The following VMP1 variants were observed in gnomAD, a reference collection of about 807,000 sequenced individuals.
The protein encoded by VMP1 is vacuole membrane protein 1.
VMP1 carries 11 observed loss-of-function variants against 56.0 expected under a neutral mutation model. The observed-to-expected ratio is 0.20, with a 90% confidence interval of 0.12 to 0.32. The LOEUF (loss-of-function observed/expected upper bound fraction) is 0.32, where lower values mean the gene tolerates loss of function less well. Among genes scored for constraint, VMP1 ranks in the 10% least tolerant of loss-of-function variants. The pLI, the probability that VMP1 is intolerant of heterozygous loss-of-function variation, is 1.00. For synonymous variants in VMP1, 149 were observed against 165.0 expected (o/e 0.90, Z 0.74); for missense variants, 296 against 490.3 (o/e 0.60, Z 3.74).
intron 7 of VMP1, among the ~76,000 whole-genome samples, chr17:59,805,244 C>T (rs896554005): frequency 1.3e-5 from 2 of 152,160 alleles, no homozygotes; most frequent in African/African-American, 2.4e-5. Context: ...TCTGAAAGAA[C>T]GAGAAGTCTG....
intron 7 of VMP1, among the ~76,000 whole-genome samples, chr17:59,785,588 G>A (rs1274560651): frequency 6.6e-6 from 1 of 151,470 alleles, no homozygotes; most frequent in Admixed American, 6.6e-5. Flanking sequence ...TACTTGGGAG[G>A]CTGAGGAACG....
rs1181485904 is a variant in VMP1, at chr17:59,711,401, C to A, written c.-27+3653C>A. ...GCCCAAGTGCCCTTGCTGTGTCTCC[C>A]ATTTTGGTGTGGAAATGAACTCTAG... On this transcript the variant is annotated intron_variant, in intron 1 of 11. Coordinates refer to ENST00000262291, the MANE Select transcript of VMP1 (RefSeq NM_030938.5). Among the ~76,000 whole-genome samples, 4 of 125,394 alleles carry A rather than the reference C, an allele frequency of 3.2e-5. No individual in the cohort carries two copies. In the East Asian group the frequency reaches 8.6e-4, roughly 27 times the overall value. The allele number at this position is 125,394 out of a possible 152,430, so 82.3% of individuals were successfully genotyped here.
chr17:59,788,886 A>G (rs1278497836), intron 7 of VMP1, among the ~76,000 whole-genome samples: 1 of 151,034 alleles, frequency 6.6e-6, no homozygotes, highest in Admixed American at 6.6e-5. Flanking sequence ...GTTTGCAGAT[A>G]TGGCGGTGGA....
intron 7 of VMP1, among the ~76,000 whole-genome samples, chr17:59,808,515 C>T (rs970702977): frequency 9.2e-5 from 14 of 152,160 alleles, no homozygotes; most frequent in Non-Finnish European, 5.9e-5. Context: ...GGTTAGTTTA[C>T]AGTATTTTGT....
intron 3 of VMP1, among the ~76,000 whole-genome samples, chr17:59,736,116 A>AT (rs1284310597): frequency 6.6e-6 from 1 of 152,178 alleles, no homozygotes; most frequent in Admixed American, 6.5e-5. Context: ...CAAGTACATT[A>AT]TTATAAACAT....
chr17:59,809,530 G>A (rs552184261), intron 8 of VMP1, among the ~76,000 whole-genome samples: 1,189 of 80,270 alleles, frequency 0.015, 97 homozygotes, highest in African/African-American at 0.08. Context: ...TTTTTGAGAC[G>A]GAGTCTCGCT....
chr17:59,713,611 G>T (rs2034020167), intron 1 of VMP1, among the ~76,000 whole-genome samples: 1 of 151,630 alleles, frequency 6.6e-6, no homozygotes, highest in Admixed American at 6.6e-5. Context: ...ACTTTGGGAG[G>T]CTGAGGTGGG....
intron 8 of VMP1, among the ~76,000 whole-genome samples, chr17:59,809,744 G>A (rs536471100): frequency 6.6e-6 from 1 of 151,840 alleles, no homozygotes; most frequent in East Asian, 1.9e-4. Context: ...CTGACCTCGT[G>A]ATCCGCCCGC....
At chr17:59,814,886 T>C (rs1307187110) in intron 9 of VMP1, among the ~76,000 whole-genome samples, 1 of 152,234 alleles carries the variant, frequency 6.6e-6, no homozygotes, top group African/African-American at 2.4e-5. Context: ...TCACTTGATG[T>C]ACATCCAGAT....
At chr17:59,726,854 A>G (rs1401300941) in intron 1 of VMP1, among the ~76,000 whole-genome samples, 1 of 152,230 alleles carries the variant, frequency 6.6e-6, no homozygotes, top group Non-Finnish European at 1.5e-5. Flanking sequence ...TCACACAAGT[A>G]TGACTTAAGT....
chr17:59,838,569 C>T, intron 11 of VMP1, 172 bp downstream of exon 11: 3 of 632,470 alleles, frequency 4.7e-6, no homozygotes, highest in Non-Finnish European at 8.5e-6. Flanking sequence ...TTGTCTTAGA[C>T]TAGAAAGTGT....
intron 1 of VMP1, among the ~76,000 whole-genome samples, chr17:59,715,972 G>A (rs1030287533): frequency 6.6e-6 from 1 of 151,924 alleles, no homozygotes; most frequent in Non-Finnish European, 1.5e-5. Context: ...TAACTACCTA[G>A]AAAATTTTTT....
chr17:59,813,631 A>C (rs2038129595), intron 9 of VMP1, among the ~76,000 whole-genome samples: 1 of 152,086 alleles, frequency 6.6e-6, no homozygotes, highest in Non-Finnish European at 1.5e-5. Flanking sequence ...AAATATGGTG[A>C]ATAATAAATT....
Position 59,811,819 on chromosome 17 carries a change from T to G in VMP1, c.912+33T>G, listed in dbSNP as rs760708769. 8 of 1,360,880 alleles carry G rather than the reference T, an allele frequency of 5.9e-6. No homozygotes were observed. In the African/African-American group the frequency reaches 1.2e-4, roughly 20 times the overall value. 84.3% of individuals were successfully genotyped at this position (1,360,880 alleles called of 1,614,324 possible). A position where few individuals can be genotyped will look rare whatever the true frequency, so the allele number is the denominator to read the frequency against. The stretch of plus-strand genomic sequence containing the variant: ...TACCCCCTGATTCACTGCCTAATGA[T>G]GATGAACCCATTACAAGACAATGAA... On this transcript the variant is annotated intron_variant, in intron 9 of 11. Transcript: ENST00000262291.
intron 5 of VMP1, among the ~76,000 whole-genome samples, chr17:59,749,265 T>C (rs938241117): frequency 6.6e-6 from 1 of 151,784 alleles, no homozygotes; most frequent in African/African-American, 2.4e-5. Flanking sequence ...CCAATAAATT[T>C]TTAAATATAT....
At chr17:59,799,945 C>CA (rs11288012) in intron 7 of VMP1, among the ~76,000 whole-genome samples, 59 of 110,304 alleles carry the variant, frequency 5.3e-4, no homozygotes, top group African/African-American at 9.5e-4. Flanking sequence ...GACTTCCTCT[C>CA]AAAAAAAAAA....
At chr17:59,792,649 G>C (rs2037275749) in intron 7 of VMP1, among the ~76,000 whole-genome samples, 1 of 151,334 alleles carries the variant, frequency 6.6e-6, no homozygotes, top group Non-Finnish European at 1.5e-5. Flanking sequence ...CGGATCACCT[G>C]AGGTCAAGAG....
intron 8 of VMP1, 77 bp downstream of exon 8, chr17:59,808,953 A>G: frequency 8.3e-7 from 1 of 1,202,472 alleles, no homozygotes; most frequent in Non-Finnish European, 1.2e-6. Flanking sequence ...TCCTGAATTA[A>G]CAAAAGTGCT....
chr17:59,778,594 G>C (rs1209029924), intron 7 of VMP1, among the ~76,000 whole-genome samples: 1 of 151,798 alleles, frequency 6.6e-6, no homozygotes, highest in African/African-American at 2.4e-5. Flanking sequence ...AGCTATGTGC[G>C]TACAGGCCAG....
Sources: allele counts gnomAD v4.1 joint callset (sites outside exome capture counted in the v4.1 genomes callset), GRCh38; gene constraint gnomAD v4.1.1; transcripts MANE v1.5; gene names NCBI Gene and HGNC (gene_info 2026-07-23, HGNC 2026-07-21).